The following KCNIP4 variants were observed in gnomAD, a reference collection of about 807,000 sequenced individuals.
KCNIP4 encodes the protein potassium voltage-gated channel interacting protein 4.
A neutral mutation model predicts 34.0 loss-of-function variants in KCNIP4; 12 were observed. The observed-to-expected ratio is 0.35, with a 90% CI of 0.23 to 0.57. The LOEUF (loss-of-function observed/expected upper bound fraction) is 0.57, where lower values mean the gene tolerates loss of function less well. Ranked by LOEUF, KCNIP4 falls within the 20% of genes least tolerant of loss-of-function variation. KCNIP4 has a pLI of 0.83. For missense variants in KCNIP4, 238 were observed against 311.7 expected, an observed-to-expected ratio of 0.76 and a Z score of 1.78; for synonymous variants, 124 against 102.2, an observed-to-expected ratio of 1.21 and a Z score of -1.29.
chr4:21,233,946 C>CATATAACATATATAACATATAAT (rs1759000036), intron 1 of KCNIP4, among the ~76,000 whole-genome samples: 1 of 125,910 alleles, frequency 7.9e-6, no homozygotes, highest in Non-Finnish European at 1.6e-5. Context: ...ATAAATATTA[C>CATATAACATATATAACATATAAT]ATATAACATA....
At chr4:21,247,569 A>C (rs531700870) in intron 1 of KCNIP4, among the ~76,000 whole-genome samples, 5 of 131,610 alleles carry the variant, frequency 3.8e-5, no homozygotes, top group Non-Finnish European at 7.6e-5. Context: ...ATTTATATAG[A>C]TATAAATACA....
intron 1 of KCNIP4, among the ~76,000 whole-genome samples, chr4:21,513,820 T>A (rs1403786912): frequency 6.6e-6 from 1 of 152,160 alleles, no homozygotes; most frequent in African/African-American, 2.4e-5. Flanking sequence ...TCCAAATCCT[T>A]GGATGAACAA....
At chr4:21,038,776 T>C (rs1435778107) in intron 1 of KCNIP4, among the ~76,000 whole-genome samples, 1 of 152,238 alleles carries the variant, frequency 6.6e-6, no homozygotes, top group African/African-American at 2.4e-5. Flanking sequence ...AAAGATATTT[T>C]AATCCATTTC....
At chr4:21,237,078 G>C (rs781429585) in intron 1 of KCNIP4, among the ~76,000 whole-genome samples, 3 of 150,760 alleles carry the variant, frequency 2.0e-5, no homozygotes, top group Non-Finnish European at 4.4e-5. Context: ...TGTCCTTCAA[G>C]AGCATATTAT....
At chr4:20,747,804 A>T (rs900360033) in intron 5 of KCNIP4, among the ~76,000 whole-genome samples, 1 of 151,994 alleles carries the variant, frequency 6.6e-6, no homozygotes, top group Non-Finnish European at 1.5e-5. Context: ...TGCCCTGTTC[A>T]TCCTGCCCCT....
intron 1 of KCNIP4, among the ~76,000 whole-genome samples, chr4:21,273,033 G>A (rs1283755562): frequency 1.3e-5 from 2 of 152,152 alleles, no homozygotes; most frequent in Non-Finnish European, 2.9e-5. Flanking sequence ...CACTGCCAAG[G>A]ATGATACTGG....
intron 1 of KCNIP4, among the ~76,000 whole-genome samples, chr4:21,766,535 C>T (rs1055465499): frequency 6.6e-6 from 1 of 152,072 alleles, no homozygotes. Flanking sequence ...TGGCATAAAG[C>T]GAATTTCCTC....
chr4:21,183,704 T>A (rs1315637050), intron 1 of KCNIP4, among the ~76,000 whole-genome samples: 2 of 152,044 alleles, frequency 1.3e-5, no homozygotes, highest in African/African-American at 4.8e-5. Context: ...TTCCCCCCCA[T>A]TCTTGTTCCC....
intron 1 of KCNIP4, among the ~76,000 whole-genome samples, chr4:21,819,093 CAG>C (rs1489025807): frequency 3.3e-5 from 5 of 152,288 alleles, no homozygotes; most frequent in South Asian, 4.1e-4. Flanking sequence ...AAGTTTCAAA[CAG>C]AGTCTTTCCA....
In KCNIP4 at chr4:21,001,258, A is replaced by G. The variant is rs148499103; in HGVS notation, c.62-118549T>C. Among the ~76,000 whole-genome samples, 97 of 152,358 alleles carry G rather than the reference A, an allele frequency of 6.4e-4. No individual in the cohort carries two copies. In the East Asian group the frequency reaches 0.016, roughly 26 times the overall value. On this transcript the variant is annotated intron_variant, in intron 1 of 8. Coordinates refer to ENST00000382152, the MANE Select transcript of KCNIP4 (RefSeq NM_025221.6). ...TTTTGTATTGTTATGTTAATAGAGA[A>G]AAAAGTTCAATTTCCCCTTGGGAGA... is the stretch of plus-strand genomic sequence containing the variant.
chr4:21,305,626 G>A (rs1441975715), intron 1 of KCNIP4, among the ~76,000 whole-genome samples: 2 of 152,170 alleles, frequency 1.3e-5, no homozygotes, highest in Admixed American at 6.5e-5. Flanking sequence ...CCTTTGAAGA[G>A]CATCCTTTTC....
intron 1 of KCNIP4, among the ~76,000 whole-genome samples, chr4:21,150,475 C>T (rs1752678359): frequency 6.6e-6 from 1 of 152,186 alleles, no homozygotes. Context: ...AACCTGGGGA[C>T]ACAGACCAAG....
intron 1 of KCNIP4, among the ~76,000 whole-genome samples, chr4:21,554,213 G>A (rs947086447): frequency 6.6e-5 from 10 of 152,116 alleles, no homozygotes; most frequent in Non-Finnish European, 1.3e-4. Context: ...ACATGTGTTA[G>A]AGGCAGAAGG....
At chr4:20,874,924 T>C (rs1482056965) in intron 2 of KCNIP4, among the ~76,000 whole-genome samples, 1 of 152,168 alleles carries the variant, frequency 6.6e-6, no homozygotes, top group Non-Finnish European at 1.5e-5. Context: ...TGTTCTGCCT[T>C]TCATGGACAG....
chr4:21,790,317 A>C (rs1450463305), intron 1 of KCNIP4, among the ~76,000 whole-genome samples: 1 of 152,214 alleles, frequency 6.6e-6, no homozygotes, highest in African/African-American at 2.4e-5. Context: ...ACGATTAAAA[A>C]CATATTTCAT....
chr4:21,320,565 G>C (rs926542623), intron 1 of KCNIP4, among the ~76,000 whole-genome samples: 1 of 152,152 alleles, frequency 6.6e-6, no homozygotes, highest in Admixed American at 6.5e-5. Context: ...TTGTTTTAGT[G>C]AGGCATCTTA....
intron 1 of KCNIP4, among the ~76,000 whole-genome samples, chr4:21,786,015 C>T (rs576816618): frequency 6.6e-6 from 1 of 152,294 alleles, no homozygotes; most frequent in South Asian, 2.1e-4. Flanking sequence ...GTGGCACTAT[C>T]TTGGCTCACT....
chr4:21,042,461 C>T (rs183430091), intron 1 of KCNIP4, among the ~76,000 whole-genome samples: 2 of 152,156 alleles, frequency 1.3e-5, no homozygotes, highest in Admixed American at 6.5e-5. Context: ...TGATCTCTTG[C>T]ATATGGAATC....
intron 1 of KCNIP4, among the ~76,000 whole-genome samples, chr4:20,999,922 T>A (rs7687476): frequency 0.023 from 3,504 of 152,252 alleles, 144 homozygotes; most frequent in African/African-American, 0.08. Flanking sequence ...AATTTTCTGG[T>A]AGAGGCAACT....
Sources: allele counts gnomAD v4.1 joint callset (sites outside exome capture counted in the v4.1 genomes callset), GRCh38; gene constraint gnomAD v4.1.1; transcripts MANE v1.5; gene names NCBI Gene and HGNC (gene_info 2026-07-23, HGNC 2026-07-21).